The following C12orf56 variants were observed in gnomAD, a reference collection of about 807,000 sequenced individuals.
C12orf56 encodes chromosome 12 open reading frame 56.
A neutral mutation model predicts 69.9 loss-of-function variants in C12orf56; 71 were observed. The observed-to-expected ratio is 1.02, with a 90% confidence interval of 0.84 to 1.24. C12orf56 has a LOEUF of 1.24. C12orf56 is among the 50% of genes most tolerant of loss of function. The pLI is 0.00. For synonymous variants in C12orf56, 276 were observed against 274.1 expected, an observed-to-expected ratio of 1.01 and a Z score of -0.07; for missense variants, 732 against 738.5, an observed-to-expected ratio of 0.99 and a Z score of 0.10.
chr12:64,362,627 G>A (rs1004813322), intron 1 of C12orf56, among the ~76,000 whole-genome samples: 10 of 152,128 alleles, frequency 6.6e-5, no homozygotes, highest in African/African-American at 1.2e-4. Flanking sequence ...GGGGGGCAGA[G>A]GTTGCAGTGA....
intron 3 of C12orf56, among the ~76,000 whole-genome samples, chr12:64,320,787 G>GA (rs2038761733): frequency 6.6e-6 from 1 of 152,176 alleles, no homozygotes; most frequent in African/African-American, 2.4e-5. Context: ...GACCAAAACA[G>GA]AAGGGAGTCC....
intron 6 of C12orf56, among the ~76,000 whole-genome samples, chr12:64,302,266 G>A (rs1485891213): frequency 6.6e-6 from 1 of 152,144 alleles, no homozygotes; most frequent in Non-Finnish European, 1.5e-5. Flanking sequence ...ATCCTTACCT[G>A]AGTCTCAATG....
At chr12:64,322,730 T>C (rs1050726332) in intron 3 of C12orf56, among the ~76,000 whole-genome samples, 2 of 152,202 alleles carry the variant, frequency 1.3e-5, no homozygotes, top group Admixed American at 6.5e-5. Flanking sequence ...GTGTTTCAAA[T>C]CTCTGTACAT....
chr12:64,362,298 A>C (rs1453575122), intron 1 of C12orf56, among the ~76,000 whole-genome samples: 1 of 152,192 alleles, frequency 6.6e-6, no homozygotes, highest in Non-Finnish European at 1.5e-5. Context: ...CTGTTACCGG[A>C]AAGTGGTCTC....
intron 5 of C12orf56, among the ~76,000 whole-genome samples, chr12:64,304,841 T>C (rs545592834): frequency 6.6e-6 from 1 of 152,284 alleles, no homozygotes; most frequent in Admixed American, 6.5e-5. Flanking sequence ...TTAAGTAACC[T>C]GTCCAAGCTC....
chr12:64,351,039 A>G (rs879275434), intron 2 of C12orf56, among the ~76,000 whole-genome samples: 3 of 152,150 alleles, frequency 2.0e-5, no homozygotes, highest in Admixed American at 6.5e-5. Flanking sequence ...CCAACCAGCA[A>G]CCTCTGGCCA....
intron 2 of C12orf56, among the ~76,000 whole-genome samples, chr12:64,332,580 TA>T (rs1338998863): frequency 2.0e-5 from 3 of 151,890 alleles, no homozygotes; most frequent in Admixed American, 1.3e-4. Flanking sequence ...GCGGGCATTG[TA>T]TTTGTACAGT....
intron 9 of C12orf56, 54 bp from the exon 10 acceptor site, chr12:64,275,426 T>C (rs1353419516): frequency 1.2e-6 from 1 of 824,284 alleles, no homozygotes; most frequent in East Asian, 3.0e-5. Context: ...CAGAAAACGA[T>C]AATTTCCCAT....
chr12:64,320,021 G>A (rs1316733087), intron 3 of C12orf56, among the ~76,000 whole-genome samples: 5 of 152,208 alleles, frequency 3.3e-5, no homozygotes, highest in Admixed American at 6.5e-5. Flanking sequence ...CTCCGGATCC[G>A]GCAGGGTGTC....
At chr12:64,331,791 T>C (rs2038933314) in intron 2 of C12orf56, among the ~76,000 whole-genome samples, 1 of 152,108 alleles carries the variant, frequency 6.6e-6, no homozygotes, top group South Asian at 2.1e-4. Flanking sequence ...GAGAAACAAA[T>C]TTCTGTTGTT....
intron 1 of C12orf56, among the ~76,000 whole-genome samples, chr12:64,359,615 T>C (rs1475584028): frequency 1.3e-5 from 2 of 152,096 alleles, no homozygotes; most frequent in East Asian, 3.9e-4. Flanking sequence ...GGGTAAAGAG[T>C]TTTCTAAAAG....
At chr12:64,358,666 C>T (rs1047191192) in intron 1 of C12orf56, among the ~76,000 whole-genome samples, 1 of 150,942 alleles carries the variant, frequency 6.6e-6, no homozygotes, top group African/African-American at 2.4e-5. Flanking sequence ...TGGTGGTGCA[C>T]ACCTGTAATC....
chr12:64,321,878 T>C (rs2038778387), intron 3 of C12orf56, among the ~76,000 whole-genome samples: 1 of 152,098 alleles, frequency 6.6e-6, no homozygotes, highest in Admixed American at 6.5e-5. Context: ...TGAGTTTATC[T>C]TTTTGGGGGT....
chr12:64,279,731 G>A (rs2038098996), intron 8 of C12orf56, among the ~76,000 whole-genome samples: 8 of 152,160 alleles, frequency 5.3e-5, no homozygotes, highest in Admixed American at 3.9e-4. Flanking sequence ...AATCATGTCA[G>A]TTAGTACATT....
At position 64,318,678 on chromosome 12, in the gene C12orf56, T is replaced by C. The variant is rs780480891; in HGVS notation, c.791A>G (p.Asn264Ser). 3 of 1,537,092 alleles carry C rather than the reference T, an allele frequency of 2.0e-6. No homozygotes were observed. In the South Asian group the frequency reaches 3.6e-5, roughly 18 times the overall value. Residue 264 changes from asparagine (N) to serine (S), a missense_variant, in exon 4 of 13, where the codon AAC (asparagine) becomes AGC (serine). By Grantham distance (46) the Asn-to-Ser change is conservative (BLOSUM62 1). Transcript: ENST00000543942. Reference protein sequence around the residue: ...NSLLDSPSQSNSNLEKKESEL... With the variant: ...NSLLDSPSQSSSNLEKKESEL... ...TGACTCCTTTTTCTCTAAATTTGAG[T>C]TGCTCTGTGAAGGGGAATCTAAGAG... is the stretch of plus-strand genomic sequence containing the variant.
chr12:64,340,935 C>A (rs1340138006), intron 2 of C12orf56, among the ~76,000 whole-genome samples: 1 of 152,150 alleles, frequency 6.6e-6, no homozygotes, highest in Non-Finnish European at 1.5e-5. Flanking sequence ...TTCTCACTGA[C>A]CTTAATCAAA....
chr12:64,280,108 C>G (rs1316228291), intron 8 of C12orf56, among the ~76,000 whole-genome samples: 2 of 152,130 alleles, frequency 1.3e-5, no homozygotes, highest in Admixed American at 6.6e-5. Flanking sequence ...AATCTCCACT[C>G]ATGAAAACAA....
At position 64,281,900 on chromosome 12, in the gene C12orf56, A is replaced by AT. The variant is rs550869526; in HGVS notation, c.1310+2763dup. 2.2e-4 allele frequency among the ~76,000 whole-genome samples: 33 copies of AT among 152,332 alleles called. No individual in the cohort carries two copies. The South Asian group carries it at 6.2e-3, about 29-fold the overall frequency. ...TTTACAACAGAGGTGACTAAGGATG[A>AT]TTTTTTTCAACTTGGAAACAGAAAG... On this transcript the variant is annotated intron_variant, in intron 8 of 12. Transcript: ENST00000543942.
At chr12:64,378,633 C>T (rs2039672570) in intron 1 of C12orf56, among the ~76,000 whole-genome samples, 1 of 152,136 alleles carries the variant, frequency 6.6e-6, no homozygotes, top group Non-Finnish European at 1.5e-5. Context: ...CAGGGTTTCA[C>T]CATGTTGGCC....
Sources: allele counts gnomAD v4.1 joint callset (sites outside exome capture counted in the v4.1 genomes callset), GRCh38; gene constraint gnomAD v4.1.1; transcripts MANE v1.5; gene names NCBI Gene and HGNC (gene_info 2026-07-23, HGNC 2026-07-21).